Variants in CLTC observed in about 807,000 individuals in gnomAD.
The protein encoded by CLTC is clathrin heavy chain, also known as clathrin heavy chain 1.
In CLTC, 16 loss-of-function variants were observed where a neutral mutation model predicts 195.8. The observed-to-expected ratio is 0.08, with a 90% CI of 0.06 to 0.12. CLTC has a LOEUF of 0.12. Ranked by LOEUF, CLTC falls within the 10% of genes least tolerant of loss-of-function variation. CLTC has a pLI of 1.00. For synonymous variants in CLTC, 667 were observed against 689.4 expected (o/e 0.97, Z 0.51); for missense variants, 796 against 2,027.0 (o/e 0.39, Z 11.66).
chr17:59,693,625 T>G, intron 31 of CLTC, 103 bp from the exon 32 acceptor site: 1 of 1,335,242 alleles, frequency 7.5e-7, no homozygotes, highest in Non-Finnish European at 1.0e-6. Flanking sequence ...GAGGTTGAGA[T>G]TATGTTGCTA....
intron 1 of CLTC, among the ~76,000 whole-genome samples, chr17:59,633,288 T>C (rs1027012086): frequency 1.8e-4 from 28 of 152,114 alleles, no homozygotes; most frequent in African/African-American, 6.0e-4. Context: ...ATCAGGAGTT[T>C]GAGACCAGCC....
At chr17:59,680,793 A>C in intron 18 of CLTC, 119 bp from the exon 19 acceptor site, 1 of 695,154 alleles carries the variant, frequency 1.4e-6, no homozygotes, top group South Asian at 2.4e-5. Flanking sequence ...GTAAATTTAA[A>C]GGTCTTTTTC....
intron 30 of CLTC, among the ~76,000 whole-genome samples, chr17:59,688,452 C>T (rs977710365): frequency 1.3e-5 from 2 of 152,104 alleles, no homozygotes; most frequent in Non-Finnish European, 2.9e-5. Context: ...CTTTTTAAAT[C>T]CAAGGATCAG....
At chr17:59,649,317 A>G (rs557578208) in intron 4 of CLTC, among the ~76,000 whole-genome samples, 1 of 152,324 alleles carries the variant, frequency 6.6e-6, no homozygotes, top group South Asian at 2.1e-4. Context: ...GCATTTCTGG[A>G]TGCTTGGAAA....
chr17:59,694,636 T>G lies in CLTC; in HGVS notation c.*784T>G, dbSNP rs1567979968. ...ACCCTTCCCTGAGGTTTGTGTATGTTGGATATTGTGGTGTTTTAGATCACT... is the reference window on the plus strand; with the variant it reads ...ACCCTTCCCTGAGGTTTGTGTATGTGGGATATTGTGGTGTTTTAGATCACT... On this transcript the variant is annotated 3_prime_UTR_variant, in exon 32 of 32. Coordinates refer to ENST00000269122, the MANE Select transcript of CLTC (RefSeq NM_004859.4). 4.4e-6 allele frequency: 1 copy of G among 226,290 alleles called. No individual in the cohort carries two copies. Among genetic ancestry groups the G allele is most frequent in the African/African-American group, 2.2e-5 (1 of 44,950 alleles). 14.0% of individuals were successfully genotyped at this position (226,290 alleles called of 1,614,324 possible).
Position 59,620,029 on chromosome 17 carries a change from C to G in CLTC, c.-103C>G. On this transcript the variant is annotated 5_prime_UTR_variant, in exon 1 of 32. Coordinates refer to ENST00000269122, the MANE Select transcript of CLTC (RefSeq NM_004859.4). ...GTCCCCGGAGAGGATCCTGCTGAGC[C>G]CAGCCTCCCCCCTCCCCTTCTCCTC... The G allele has an allele frequency of 9.6e-7, 1 of 1,043,980 alleles. No homozygotes were observed. Among genetic ancestry groups the G allele is most frequent in the Non-Finnish European group, 1.5e-6 (1 of 686,802 alleles). The allele number at this position is 1,043,980 out of a possible 1,614,324, so 64.7% of individuals were successfully genotyped here. A position where few individuals can be genotyped will look rare whatever the true frequency, so the allele number is the denominator to read the frequency against.
At chr17:59,646,602 T>C (rs1442732977) in intron 2 of CLTC, among the ~76,000 whole-genome samples, 1 of 152,200 alleles carries the variant, frequency 6.6e-6, no homozygotes. Context: ...CTCTATTAAT[T>C]TATACCAAAT....
intron 28 of CLTC, chr17:59,684,502 GA>G (rs2033138485): frequency 6.4e-6 from 1 of 155,372 alleles, no homozygotes; most frequent in Non-Finnish European, 1.4e-5. Flanking sequence ...AGTTTCTCTA[GA>G]GCACAGAATC....
chr17:59,675,636 G>A (rs536025924), intron 16 of CLTC, among the ~76,000 whole-genome samples: 3 of 152,238 alleles, frequency 2.0e-5, no homozygotes, highest in East Asian at 3.9e-4. Context: ...TGACCTAAAG[G>A]TTTGAGCCTA....
intron 28 of CLTC, chr17:59,684,336 A>G: frequency 5.0e-6 from 1 of 200,094 alleles, no homozygotes; most frequent in Non-Finnish European, 1.0e-5. Flanking sequence ...CTACTGTTTT[A>G]TTAGTGTTTG....
chr17:59,645,717 T>C (rs2032174339), intron 2 of CLTC, among the ~76,000 whole-genome samples: 2 of 152,220 alleles, frequency 1.3e-5, no homozygotes, highest in Admixed American at 1.3e-4. Context: ...AGGACTAGGA[T>C]ATTCAAACAA....
At chr17:59,639,429 A>G (rs2031965409) in intron 1 of CLTC, among the ~76,000 whole-genome samples, 1 of 152,158 alleles carries the variant, frequency 6.6e-6, no homozygotes, top group African/African-American at 2.4e-5. Context: ...CAAAATAAAA[A>G]TTCTTTTAAG....
chr17:59,656,127 G>A, intron 6 of CLTC, 100 bp downstream of exon 6: 1 of 1,037,938 alleles, frequency 9.6e-7, no homozygotes, highest in Non-Finnish European at 1.4e-6. Flanking sequence ...TTAAAAAATA[G>A]AAAATAAACA....
intron 2 of CLTC, 38 bp from the exon 3 acceptor site, chr17:59,647,360 C>A (rs776325993): frequency 6.5e-7 from 1 of 1,535,420 alleles, no homozygotes; most frequent in Admixed American, 1.7e-5. Flanking sequence ...CTAAACTTTA[C>A]TCTTTTAATG....
At chr17:59,657,045 ATACTGT>A (rs1482580264) in intron 6 of CLTC, among the ~76,000 whole-genome samples, 2 of 152,354 alleles carry the variant, frequency 1.3e-5, no homozygotes, top group East Asian at 3.9e-4. Context: ...CATTTTAAAA[ATACTGT>A]TACTGGTCTT....
chr17:59,651,383 A>G, intron 5 of CLTC, 67 bp downstream of exon 5: 2 of 1,016,104 alleles, frequency 2.0e-6, no homozygotes, highest in Non-Finnish European at 1.5e-6. Flanking sequence ...CCCAAAGACT[A>G]TTCATGGTAG....
At chr17:59,624,152 C>G (rs1407204550) in intron 1 of CLTC, among the ~76,000 whole-genome samples, 1 of 152,202 alleles carries the variant, frequency 6.6e-6, no homozygotes, top group Non-Finnish European at 1.5e-5. Context: ...GATCTTCACT[C>G]AATCCCCCCA....
chr17:59,633,412 G>A (rs1047284521), intron 1 of CLTC, among the ~76,000 whole-genome samples: 1 of 152,126 alleles, frequency 6.6e-6, no homozygotes, highest in African/African-American at 2.4e-5. Context: ...AGAATGGCTT[G>A]AACCCGGGAG....
Position 59,655,853 on chromosome 17 carries a change from G to T in CLTC, c.796-1G>T. The T allele has an allele frequency of 6.5e-7, 1 of 1,549,996 alleles. No homozygotes were observed. The highest frequency in any genetic ancestry group is 1.3e-5 in the South Asian group (1 of 76,916). On this transcript the variant is annotated splice_acceptor_variant, in intron 5 of 31. Transcript: ENST00000269122. LOFTEE classifies it high-confidence loss of function. ...CTAAAGTGTTGATTTTCTTTCTGTAGATCAGTGAAAAGCATGATGTGGTGT... is the reference window on the plus strand; with the variant it reads ...CTAAAGTGTTGATTTTCTTTCTGTATATCAGTGAAAAGCATGATGTGGTGT...
Sources: gnomAD v4.1 joint callset for allele counts (sites outside exome capture counted in the v4.1 genomes callset) on GRCh38, gnomAD v4.1.1 for gene constraint, MANE v1.5 for transcripts, NCBI Gene and HGNC (gene_info 2026-07-23, HGNC 2026-07-21) for gene names.